WASF3: variants seen among roughly 807,000 people sequenced by gnomAD.
The protein encoded by WASF3 is WASP family member 3.
WASF3 carries 11 observed loss-of-function variants against 46.6 expected under a neutral mutation model. That is an observed-to-expected ratio of 0.24 (90% CI 0.15 to 0.39). The LOEUF (loss-of-function observed/expected upper bound fraction) is 0.39, where lower values mean the gene tolerates loss of function less well. Among genes scored for constraint, WASF3 ranks in the 10% least tolerant of loss-of-function variants. The probability of loss-of-function intolerance (pLI) is 1.00; values close to 1 mark genes in which losing one functional copy is unlikely to be tolerated. For missense variants in WASF3, 576 were observed against 669.8 expected (o/e 0.86, Z 1.55); for synonymous variants, 242 against 259.7 (o/e 0.93, Z 0.65).
At chr13:26,566,107 C>G (rs924101378) in intron 1 of WASF3, among the ~76,000 whole-genome samples, 3 of 152,160 alleles carry the variant, frequency 2.0e-5, no homozygotes, top group African/African-American at 7.2e-5. Context: ...TATTTTGTTT[C>G]TGATGATTGT....
At chr13:26,652,712 A>G (rs1278152634) in intron 3 of WASF3, among the ~76,000 whole-genome samples, 6 of 152,236 alleles carry the variant, frequency 3.9e-5, no homozygotes, top group African/African-American at 1.4e-4. Context: ...AAAATCAAAC[A>G]GTATTTAAAA....
At chr13:26,642,072 A>G (rs1405497876) in intron 2 of WASF3, 189 bp from the exon 3 acceptor site, 5 of 472,584 alleles carry the variant, frequency 1.1e-5, no homozygotes, top group South Asian at 7.3e-5. Flanking sequence ...TATACTATAC[A>G]TGTACCTTCA....
At chr13:26,567,851 A>G (rs981218900) in intron 1 of WASF3, among the ~76,000 whole-genome samples, 8 of 152,144 alleles carry the variant, frequency 5.3e-5, no homozygotes, top group Non-Finnish European at 1.2e-4. Context: ...AAAGCGAAGC[A>G]CGTGAAGAGA....
rs1212876205 is a variant in WASF3, at chr13:26,588,963, A to AT, written c.-108-23988dup. On this transcript the variant is annotated intron_variant, in intron 1 of 9. Transcript: ENST00000335327. Reference sequence around the variant, plus strand: ...CAGGCACACACCACCACACCCAGCTATTTTTTTTTTGGTAGAGATGGCGTT... The same window carrying AT: ...CAGGCACACACCACCACACCCAGCTATTTTTTTTTTTGGTAGAGATGGCGTT... Among the ~76,000 whole-genome samples the AT allele has an allele frequency of 2.6e-3, 390 of 148,666 alleles. 3 individuals are homozygous for AT. Among genetic ancestry groups the AT allele is most frequent in the East Asian group, 0.016 (80 of 5,060 alleles).
intron 2 of WASF3, among the ~76,000 whole-genome samples, chr13:26,615,828 T>C (rs1055836747): frequency 1.3e-5 from 2 of 152,190 alleles, no homozygotes; most frequent in Non-Finnish European, 2.9e-5. Flanking sequence ...TTTCTGTCCC[T>C]ATAGATAAGT....
intron 7 of WASF3, chr13:26,680,330 T>A: frequency 2.7e-6 from 3 of 1,131,510 alleles, no homozygotes; most frequent in South Asian, 1.8e-5. Context: ...ACTGTCTTAC[T>A]AACGCCCACG....
intron 1 of WASF3, among the ~76,000 whole-genome samples, chr13:26,592,467 G>C (rs1275317407): frequency 2.6e-5 from 4 of 152,174 alleles, no homozygotes; most frequent in Non-Finnish European, 5.9e-5. Flanking sequence ...AGTTCCAGCA[G>C]GGTTCAGTTC....
chr13:26,662,583 G>A (rs954990876), intron 3 of WASF3, among the ~76,000 whole-genome samples: 3 of 152,222 alleles, frequency 2.0e-5, no homozygotes, highest in African/African-American at 7.2e-5. Flanking sequence ...ACTTTTAAGT[G>A]GGAGCTAAGC....
intron 1 of WASF3, among the ~76,000 whole-genome samples, chr13:26,610,342 G>A (rs922791424): frequency 2.6e-5 from 4 of 152,136 alleles, no homozygotes; most frequent in South Asian, 2.1e-4. Flanking sequence ...CTGTGCATCC[G>A]CCATATACAC....
chr13:26,652,166 A>G (rs1431789420), intron 3 of WASF3, among the ~76,000 whole-genome samples: 1 of 152,218 alleles, frequency 6.6e-6, no homozygotes, highest in Non-Finnish European at 1.5e-5. Context: ...ATGCATTTTG[A>G]GGATGAAGAC....
chr13:26,663,185 GT>G (rs1264310299), intron 3 of WASF3, among the ~76,000 whole-genome samples: 1 of 152,128 alleles, frequency 6.6e-6, no homozygotes, highest in Non-Finnish European at 1.5e-5. Flanking sequence ...TGGATGGTGG[GT>G]TCTTTTTAAC....
chr13:26,670,740 A>G (rs149514064), intron 5 of WASF3, among the ~76,000 whole-genome samples: 26 of 152,340 alleles, frequency 1.7e-4, no homozygotes, highest in African/African-American at 4.3e-4. Context: ...TTGCCTATCA[A>G]TTAGGAAACT....
In WASF3 at chr13:26,640,372, G is replaced by T. The variant is rs950026408; in HGVS notation, c.-10-1889G>T. The T allele has an allele frequency of 2.6e-5, 4 of 151,774 alleles. No individual in the cohort carries two copies. The Middle Eastern group carries it at 0.01, about 387-fold the overall frequency. 9.4% of individuals were successfully genotyped at this position (151,774 alleles called of 1,614,324 possible). The stretch of plus-strand genomic sequence containing the variant: ...TGAAACTCTATAAACTCCTTAAGTA[G>T]GAAGTTAAGATTTTATTTATCATCT... On this transcript the variant is annotated intron_variant, in intron 2 of 9. Transcript: ENST00000335327.
intron 3 of WASF3, among the ~76,000 whole-genome samples, chr13:26,659,245 G>A (rs1882553592): frequency 6.6e-6 from 1 of 152,160 alleles, no homozygotes. Flanking sequence ...GTGAGTTTCT[G>A]GAGCAGAAGT....
chr13:26,681,067 G>T lies in WASF3; in HGVS notation c.730G>T (p.Asp244Tyr), dbSNP rs201600004. ...TTCAAATGCCAGGTCACATGCATCG[G>T]ACGTTACGGATTACTCTTACCCGGC... ...LSPDTRSHAS[D>Y]VTDYSYPATP... Residue 244 changes from aspartate (D) to tyrosine (Y), a missense_variant, in exon 8 of 10, where the codon GAC (aspartate) becomes TAC (tyrosine). By Grantham distance (160) the Asp-to-Tyr change is radical. This residue lies in a region of WASF3 where 295 missense variants were observed against 291.5 expected (regional missense o/e 1.01). Coordinates refer to ENST00000335327, the MANE Select transcript of WASF3 (RefSeq NM_006646.6). The T allele has an allele frequency of 1.2e-6, 2 of 1,612,494 alleles. No homozygotes were observed. Among genetic ancestry groups the T allele is most frequent in the African/African-American group, 2.7e-5 (2 of 75,004 alleles).
chr13:26,651,768 G>A (rs1273783366), intron 3 of WASF3, among the ~76,000 whole-genome samples: 1 of 152,146 alleles, frequency 6.6e-6, no homozygotes, highest in Non-Finnish European at 1.5e-5. Context: ...AAAATTTATG[G>A]CATTTATAAT....
upstream of WASF3, among the ~76,000 whole-genome samples, chr13:26,553,289 C>T (rs1017575313): frequency 6.6e-6 from 1 of 152,194 alleles, no homozygotes; most frequent in East Asian, 1.9e-4. Context: ...AGTATAATAC[C>T]AGCATCGTAT....
At chr13:26,625,705 C>T (rs1384282367) in intron 2 of WASF3, among the ~76,000 whole-genome samples, 1 of 152,246 alleles carries the variant, frequency 6.6e-6, no homozygotes, top group South Asian at 2.1e-4. Flanking sequence ...CAGACTCACC[C>T]AGAGATAATG....
chr13:26,569,928 A>T (rs528616311), intron 1 of WASF3, among the ~76,000 whole-genome samples: 2 of 152,368 alleles, frequency 1.3e-5, no homozygotes, highest in South Asian at 4.1e-4. Context: ...ATGCTAATAC[A>T]TTTTTAACTT....
Sources: allele counts gnomAD v4.1 joint callset (sites outside exome capture counted in the v4.1 genomes callset), GRCh38; gene constraint gnomAD v4.1.1; regional missense constraint gnomAD v4.1.1; transcripts MANE v1.5; gene names NCBI Gene and HGNC (gene_info 2026-07-23, HGNC 2026-07-21).